PCDHA5: variants seen among roughly 807,000 people sequenced by gnomAD.
The protein encoded by PCDHA5 is protocadherin alpha-5.
A neutral mutation model predicts 61.6 loss-of-function variants in PCDHA5; 43 were observed. That is an observed-to-expected ratio of 0.70 (90% CI 0.55 to 0.90). The LOEUF is 0.90. Among genes scored for constraint, PCDHA5 ranks in the 40% least tolerant of loss-of-function variants. The pLI, the probability that PCDHA5 is intolerant of heterozygous loss-of-function variation, is 0.00. For missense variants in PCDHA5, 1,298 were observed against 1,222.7 expected, an observed-to-expected ratio of 1.06 and a Z score of -0.92; for synonymous variants, 627 against 543.9, an observed-to-expected ratio of 1.15 and a Z score of -2.13.
chr5:140,889,541 ATTTAC>A (rs1434823292), intron 1 of PCDHA5, among the ~76,000 whole-genome samples: 9 of 151,878 alleles, frequency 5.9e-5, no homozygotes, highest in African/African-American at 2.2e-4. Context: ...TTCCTGTCTA[ATTTAC>A]TTTTCTTCAG....
At position 140,823,443 on chromosome 5, in the gene PCDHA5, C is replaced by T. The variant is rs2150125860; in HGVS notation, c.1668C>T (p.Asp556=). 5 of 1,613,398 alleles carry T rather than the reference C, an allele frequency of 3.1e-6. No homozygotes were observed. The highest frequency in any genetic ancestry group is 2.2e-5 in the South Asian group (2 of 91,058). ...TGACGCTGCAGGTGTTCGTGCTGGACGAGAACGACAACGCGCCGGCGCTGC... is the reference window on the plus strand; with the variant it reads ...TGACGCTGCAGGTGTTCGTGCTGGATGAGAACGACAACGCGCCGGCGCTGC... The part of the protein sequence containing the change: ...SNVTLQVFVL[D]ENDNAPALLV... Residue 556 remains aspartate, a synonymous_variant, in exon 1 of 4, where the codon GAC becomes GAT. Transcript: ENST00000529859.
chr5:140,829,861 G>A (rs200510937), intron 1 of PCDHA5: 1 of 1,613,956 alleles, frequency 6.2e-7, no homozygotes, highest in East Asian at 2.2e-5. Flanking sequence ...CAGGCCAAGT[G>A]GTGGCGAAGG....
intron 1 of PCDHA5, among the ~76,000 whole-genome samples, chr5:140,931,040 A>G (rs2087258988): frequency 6.6e-6 from 1 of 152,242 alleles, no homozygotes; most frequent in South Asian, 2.1e-4. Flanking sequence ...GCTAGCAAGA[A>G]AAACTTCAAT....
At position 140,991,361 on chromosome 5, in the gene PCDHA5, G is replaced by A. The variant is rs1183124741; in HGVS notation, c.2500+8798G>A. On this transcript the variant is annotated intron_variant, in intron 3 of 3. Transcript: ENST00000529859. ...GGTAACTTGGAAAAGACTATTTACT[G>A]TCTGAGTTCTAGGCCAACTGTAGGG... Among the ~76,000 whole-genome samples, 3 of 152,200 alleles carry A rather than the reference G, an allele frequency of 2.0e-5. No individual in the cohort carries two copies. In the East Asian group the frequency reaches 5.8e-4, roughly 29 times the overall value.
In PCDHA5 at chr5:140,843,412, C is replaced by G. The variant is rs2150359416; in HGVS notation, c.2352+19285C>G. On this transcript the variant is annotated intron_variant, in intron 1 of 3. Transcript: ENST00000529859. ...CGGAAGCGGCGCTGGTGGATGTCAA[C>G]GTGTACCTGATCATCGCCATCTGCG... is the stretch of plus-strand genomic sequence containing the variant. 36 of 1,595,950 alleles carry G rather than the reference C, an allele frequency of 2.3e-5. 4 individuals carry two copies. The highest frequency in any genetic ancestry group is 6.6e-5 in the South Asian group (6 of 90,510).
chr5:140,861,270 A>G (rs900401240), intron 1 of PCDHA5: 2 of 180,284 alleles, frequency 1.1e-5, no homozygotes, highest in South Asian at 1.2e-4. Flanking sequence ...AGCCTACAGC[A>G]CTGGCTTCTG....
chr5:140,898,671 G>A lies in PCDHA5; in HGVS notation c.2352+74544G>A, dbSNP rs1419362877. 2.2e-4 allele frequency among the ~76,000 whole-genome samples: 33 copies of A among 152,200 alleles called. No homozygotes were observed. The East Asian group carries it at 2.3e-3, about 11-fold the overall frequency. On this transcript the variant is annotated intron_variant, in intron 1 of 3. Transcript: ENST00000529859. ...TGGCTTAGGATTGACTTGGTGTTGCGGGCTGTTTTTTGGTTCCATATGAAC... is the reference window on the plus strand; with the variant it reads ...TGGCTTAGGATTGACTTGGTGTTGCAGGCTGTTTTTTGGTTCCATATGAAC...
intron 1 of PCDHA5, among the ~76,000 whole-genome samples, chr5:140,961,096 G>A (rs1040764862): frequency 3.9e-5 from 6 of 152,222 alleles, no homozygotes; most frequent in Admixed American, 3.3e-4. Flanking sequence ...TGACTTTTTG[G>A]TCACCCAACC....
chr5:140,955,073 C>T (rs2095133365), intron 1 of PCDHA5, among the ~76,000 whole-genome samples: 1 of 152,146 alleles, frequency 6.6e-6, no homozygotes, highest in South Asian at 2.1e-4. Context: ...TGTTGAAGAT[C>T]AGATGGTTGT....
chr5:140,929,179 G>T (rs782673786), intron 1 of PCDHA5: 5 of 1,614,104 alleles, frequency 3.1e-6, no homozygotes, highest in Non-Finnish European at 4.2e-6. Context: ...TCTGGGACTT[G>T]GTTCTGATAA....
intron 1 of PCDHA5, among the ~76,000 whole-genome samples, chr5:140,931,986 C>G (rs562622204): frequency 2.0e-4 from 30 of 151,912 alleles, no homozygotes; most frequent in African/African-American, 7.0e-4. Flanking sequence ...ATATTTTGCT[C>G]AAATTCTAAG....
At chr5:140,983,767 A>C (rs550605597) in intron 3 of PCDHA5, among the ~76,000 whole-genome samples, 23 of 152,326 alleles carry the variant, frequency 1.5e-4, no homozygotes, top group African/African-American at 5.3e-4. Context: ...TCAAATACAT[A>C]TCTACATACA....
intron 1 of PCDHA5, among the ~76,000 whole-genome samples, chr5:140,953,811 A>T (rs782282216): frequency 3.3e-5 from 5 of 152,074 alleles, no homozygotes; most frequent in Non-Finnish European, 5.9e-5. Context: ...TCTGAGGTGC[A>T]TGTGCTAGTT....
At chr5:140,965,496 A>AT (rs71766133) in intron 1 of PCDHA5, among the ~76,000 whole-genome samples, 6,292 of 146,438 alleles carry the variant, frequency 0.043, 368 homozygotes, top group African/African-American at 0.14. Flanking sequence ...ATGACAGCAG[A>AT]TTTTTTTTTT....
rs782525734 is a variant in PCDHA5 at position 140,884,093 on chromosome 5, T to A, written c.2352+59966T>A. 3.1e-6 allele frequency: 5 copies of A among 1,613,500 alleles called. No homozygotes were observed. In the Admixed American group the frequency reaches 8.3e-5, roughly 27 times the overall value. ...TTCGGGCTACAATGCGTGGCTTTCGTATGAATTGCAGCTGGCGGCGGTCGG... is the reference window on the plus strand; with the variant it reads ...TTCGGGCTACAATGCGTGGCTTTCGAATGAATTGCAGCTGGCGGCGGTCGG... On this transcript the variant is annotated intron_variant, in intron 1 of 3. Coordinates refer to ENST00000529859, the MANE Select transcript of PCDHA5 (RefSeq NM_018908.3).
chr5:140,823,932 G>C lies in PCDHA5; in HGVS notation c.2157G>C (p.Ala719=), dbSNP rs2150130492. ...LLVLTLLLYT[A]LRCSAQPTEA... ...TGCTCACGCTGCTGCTGTACACCGC[G>C]CTGCGGTGCTCGGCGCAGCCCACCG... The change falls in exon 1 of 4, where the codon GCG becomes GCC. Residue 719 remains alanine, a synonymous_variant. Coordinates refer to ENST00000529859, the MANE Select transcript of PCDHA5 (RefSeq NM_018908.3). The C allele has an allele frequency of 6.2e-7, 1 of 1,613,980 alleles. No homozygotes were observed.
At chr5:140,834,327 T>A (rs1181484753) in intron 1 of PCDHA5, 1 of 1,451,888 alleles carries the variant, frequency 6.9e-7, no homozygotes, top group Non-Finnish European at 9.4e-7. Flanking sequence ...GATAAAAACA[T>A]TCCTATAAAT....
rs2150477113 is a variant in PCDHA5, at chr5:140,850,276, T to G, written c.2352+26149T>G. 19 of 1,594,568 alleles carry G rather than the reference T, an allele frequency of 1.2e-5. 1 individual carries two copies. The highest frequency in any genetic ancestry group is 1.5e-5 in the Non-Finnish European group (18 of 1,167,356). ...GGCGCCGGCGTAGTGGTGGGGAAGG[T>G]GCGCGCAGTGGACGCCGACTCGGGC... is the stretch of plus-strand genomic sequence containing the variant. On this transcript the variant is annotated intron_variant, in intron 1 of 3. Coordinates refer to ENST00000529859, the MANE Select transcript of PCDHA5 (RefSeq NM_018908.3).
At chr5:140,906,063 A>T (rs572488248) in intron 1 of PCDHA5, among the ~76,000 whole-genome samples, 1 of 152,318 alleles carries the variant, frequency 6.6e-6, no homozygotes, top group South Asian at 2.1e-4. Flanking sequence ...CTGGCAGCTG[A>T]TTAGATCGCA....
Sources: gnomAD v4.1 joint callset for allele counts (sites outside exome capture counted in the v4.1 genomes callset) on GRCh38, gnomAD v4.1.1 for gene constraint, MANE v1.5 for transcripts, NCBI Gene and HGNC (gene_info 2026-07-23, HGNC 2026-07-21) for gene names.